FIG4: variants seen among roughly 807,000 people sequenced by gnomAD.
FIG4 encodes the protein polyphosphoinositide phosphatase.
In FIG4, 112 loss-of-function variants were observed where a neutral mutation model predicts 118.6. The observed-to-expected ratio is 0.94, with a 90% CI of 0.81 to 1.11. FIG4 has a LOEUF of 1.11. Ranked by LOEUF, FIG4 falls within the 50% of genes least tolerant of loss-of-function variation. The pLI, the probability that FIG4 is intolerant of heterozygous loss-of-function variation, is 0.00. For missense variants in FIG4, 969 were observed against 1,111.7 expected (o/e 0.87, Z 1.83); for synonymous variants, 369 against 381.2 (o/e 0.97, Z 0.37).
rs1776320061 is a variant in FIG4, at chr6:109,741,447, T to C, written c.779T>C (p.Leu260Pro). 1 of 1,605,154 alleles carries C rather than the reference T, an allele frequency of 6.2e-7. No individual in the cohort carries two copies. Among genetic ancestry groups the C allele is most frequent in the Non-Finnish European group, 8.5e-7 (1 of 1,172,010 alleles). Residue 260 changes from leucine to proline, a missense_variant, in exon 8 of 23, where the codon CTG becomes CCG. Transcript: ENST00000230124. ...CAACCTTAACTTGATTTCCAAGAGC[T>C]GTTGATCTATGGACGACCAGTGTAT... ...IIHGFCGQSKLLIYGRPVYVT... is the reference protein window; with the variant it reads ...IIHGFCGQSKPLIYGRPVYVT...
intron 3 of FIG4, among the ~76,000 whole-genome samples, chr6:109,726,015 A>G (rs1375171513): frequency 6.6e-6 from 1 of 151,990 alleles, no homozygotes; most frequent in African/African-American, 2.4e-5. Context: ...TGTGAGATGG[A>G]TAGATTGCAA....
chr6:109,739,767 T>G (rs1333891572), intron 7 of FIG4, among the ~76,000 whole-genome samples: 9 of 152,074 alleles, frequency 5.9e-5, no homozygotes, highest in Admixed American at 3.9e-4. Flanking sequence ...AAAAAAAAAT[T>G]TAAAGGAGTG....
At chr6:109,746,219 C>T (rs1182809554) in intron 10 of FIG4, among the ~76,000 whole-genome samples, 1 of 152,154 alleles carries the variant, frequency 6.6e-6, no homozygotes, top group Admixed American at 6.6e-5. Context: ...TGGGTCCCTT[C>T]CTTACACCTT....
chr6:109,758,406 T>A (rs906386578), intron 10 of FIG4, among the ~76,000 whole-genome samples: 2 of 140,898 alleles, frequency 1.4e-5, no homozygotes, highest in African/African-American at 5.2e-5. Flanking sequence ...GCTAGCCATA[T>A]GCAGAAAACA....
At position 109,735,277 on chromosome 6, in the gene FIG4, T is replaced by C; in HGVS notation, c.625T>C (p.Leu209=). 6.2e-7 allele frequency: 1 copy of C among 1,613,554 alleles called. No homozygotes were observed. Among genetic ancestry groups the C allele is most frequent in the Non-Finnish European group, 8.5e-7 (1 of 1,179,602 alleles). ...CTTTGACATCTTTGAAGATGAAGGA[T>C]TAATTACACAAGGTGGAAGCGGTAG... ...ESFDIFEDEG[L]ITQGGSGVFG... Residue 209 remains leucine, a synonymous_variant, in exon 6 of 23, where the codon TTA becomes CTA. Transcript: ENST00000230124.
intron 1 of FIG4, among the ~76,000 whole-genome samples, chr6:109,700,353 A>G (rs763302665): frequency 6.6e-6 from 1 of 152,248 alleles, no homozygotes; most frequent in Non-Finnish European, 1.5e-5. Context: ...ATCTTATAAA[A>G]TCAATCTGAA....
intron 10 of FIG4, among the ~76,000 whole-genome samples, chr6:109,759,397 C>T (rs1056120960): frequency 6.6e-6 from 1 of 152,034 alleles, no homozygotes; most frequent in South Asian, 2.1e-4. Flanking sequence ...GCACATGTAT[C>T]CCATAACTTA....
chr6:109,814,149 T>C (rs1290210904), intron 22 of FIG4, among the ~76,000 whole-genome samples: 2 of 152,138 alleles, frequency 1.3e-5, no homozygotes, highest in African/African-American at 4.8e-5. Flanking sequence ...TTACTGATGA[T>C]GTTTATTTAT....
intron 15 of FIG4, among the ~76,000 whole-genome samples, chr6:109,773,399 C>A (rs1777523190): frequency 6.6e-6 from 1 of 152,078 alleles, no homozygotes; most frequent in Non-Finnish European, 1.5e-5. Flanking sequence ...ACAAACTTAC[C>A]ATTTCTGAGA....
chr6:109,716,007 T>A (rs1775417990), intron 2 of FIG4, among the ~76,000 whole-genome samples: 1 of 152,224 alleles, frequency 6.6e-6, no homozygotes, highest in South Asian at 2.1e-4. Context: ...CTGAGCATTT[T>A]TAACAATATA....
intron 7 of FIG4, 32 bp downstream of exon 7, chr6:109,738,485 A>G (rs1427692373): frequency 4.4e-6 from 7 of 1,575,250 alleles, no homozygotes; most frequent in Admixed American, 1.7e-5. Flanking sequence ...TAAGATACAT[A>G]TTACTAAACT....
chr6:109,766,934 G>C (rs371783881), intron 15 of FIG4, 39 bp downstream of exon 15: 5 of 1,554,712 alleles, frequency 3.2e-6, no homozygotes, highest in Non-Finnish European at 4.4e-6. Context: ...GACTTACTCT[G>C]AAGTGCATTT....
At chr6:109,778,999 A>G (rs9320314) in intron 16 of FIG4, among the ~76,000 whole-genome samples, 8,639 of 152,276 alleles carry the variant, frequency 0.057, 519 homozygotes, top group East Asian at 0.28. Context: ...TTATCAATGC[A>G]TATTATTGGA....
chr6:109,812,827 T>C (rs1045710684), intron 22 of FIG4, among the ~76,000 whole-genome samples: 1 of 152,174 alleles, frequency 6.6e-6, no homozygotes, highest in Non-Finnish European at 1.5e-5. Context: ...TGAGGAATGA[T>C]CGTTCCTCAG....
rs1447039528 is a variant in FIG4 at position 109,695,051 on chromosome 6, C to T, written c.66+3550C>T. On this transcript the variant is annotated intron_variant, in intron 1 of 22. Coordinates refer to ENST00000230124, the MANE Select transcript of FIG4 (RefSeq NM_014845.6). ...GAGGTTCCTCAAAAAACTAAAAATC[C>T]GGCAGTCCCACTACTGGGTGTGTAT... Among the ~76,000 whole-genome samples, 4 of 152,046 alleles carry T rather than the reference C, an allele frequency of 2.6e-5. No homozygotes were observed. In the East Asian group the frequency reaches 5.8e-4, roughly 22 times the overall value.
intron 17 of FIG4, chr6:109,785,574 C>A (rs1201649858): frequency 6.8e-6 from 3 of 441,132 alleles, no homozygotes; most frequent in Non-Finnish European, 1.4e-5. Flanking sequence ...ATGATGTTTC[C>A]AAATTTAAAT....
intron 1 of FIG4, among the ~76,000 whole-genome samples, chr6:109,707,438 T>C (rs1421295988): frequency 1.3e-5 from 2 of 148,842 alleles, no homozygotes; most frequent in Non-Finnish European, 3.0e-5. Flanking sequence ...TACATATATA[T>C]ACATATATAT....
intron 3 of FIG4, among the ~76,000 whole-genome samples, chr6:109,720,948 G>A (rs1016552816): frequency 1.3e-5 from 2 of 152,082 alleles, no homozygotes; most frequent in African/African-American, 4.8e-5. Flanking sequence ...GTTTTATGTG[G>A]TCCTAGGGCA....
intron 22 of FIG4, among the ~76,000 whole-genome samples, chr6:109,807,708 C>G (rs568205111): frequency 7.9e-5 from 12 of 152,200 alleles, no homozygotes; most frequent in African/African-American, 2.9e-4. Context: ...ATGGTATTGC[C>G]TAGGTTTTCT....
Sources: gnomAD v4.1 joint callset for allele counts (sites outside exome capture counted in the v4.1 genomes callset) on GRCh38, gnomAD v4.1.1 for gene constraint, MANE v1.5 for transcripts, NCBI Gene and HGNC (gene_info 2026-07-23, HGNC 2026-07-21) for gene names.